ZSWIM5: variants seen among roughly 807,000 people sequenced by gnomAD.
The protein encoded by ZSWIM5 is zinc finger SWIM-type containing 5.
ZSWIM5 carries 55 observed loss-of-function variants against 119.6 expected under a neutral mutation model. The ratio of observed to expected loss-of-function variants is 0.46; its 90% CI spans 0.37 to 0.58. The LOEUF is 0.58. Among genes scored for constraint, ZSWIM5 ranks in the 20% least tolerant of loss-of-function variants. ZSWIM5 has a pLI of 0.00. For synonymous variants in ZSWIM5, 537 were observed against 606.9 expected (o/e 0.88, Z 1.69); for missense variants, 1,193 against 1,512.8 (o/e 0.79, Z 3.51).
At position 45,088,428 on chromosome 1, in the gene ZSWIM5, A is replaced by T. The variant is rs56726013; in HGVS notation, c.596-191T>A. On this transcript the variant is annotated intron_variant, in intron 1 of 13. Coordinates refer to ENST00000359600, the MANE Select transcript of ZSWIM5 (RefSeq NM_020883.2). The surrounding 1 kb of genome is among the most constrained non-coding windows in gnomAD (Gnocchi z 4.2). ...TGCTCTGAAGAAACACACAATATAG[A>T]AAGAGTCCTCACCCTGGAGTTCGTG... is the stretch of plus-strand genomic sequence containing the variant. 9.7e-3 allele frequency among the ~76,000 whole-genome samples: 1,481 copies of T among 152,308 alleles called. 24 individuals carry two copies. Among genetic ancestry groups the T allele is most frequent in the African/African-American group, 0.034 (1,409 of 41,546 alleles).
intron 1 of ZSWIM5, among the ~76,000 whole-genome samples, chr1:45,116,500 G>C (rs1645558976): frequency 6.6e-6 from 1 of 152,130 alleles, no homozygotes; most frequent in Non-Finnish European, 1.5e-5. Flanking sequence ...TGGAAGTATA[G>C]ATAGCAGACT....
chr1:45,188,082 T>C (rs1646069923), intron 1 of ZSWIM5, among the ~76,000 whole-genome samples: 1 of 152,192 alleles, frequency 6.6e-6, no homozygotes, highest in African/African-American at 2.4e-5. Context: ...GATCCAACAA[T>C]TCTACTCTTA....
intron 2 of ZSWIM5, among the ~76,000 whole-genome samples, chr1:45,062,029 G>T (rs1245509690): frequency 1.3e-5 from 2 of 152,102 alleles, no homozygotes; most frequent in Non-Finnish European, 2.9e-5. Context: ...GGTGAACATT[G>T]CAGTGAGCCG....
chr1:45,101,889 G>A (rs981242696), intron 1 of ZSWIM5, among the ~76,000 whole-genome samples: 6 of 152,134 alleles, frequency 3.9e-5, no homozygotes, highest in South Asian at 2.1e-4. Flanking sequence ...AGGGCCTGTC[G>A]TGGGGTGGAG....
intron 1 of ZSWIM5, among the ~76,000 whole-genome samples, chr1:45,141,844 G>A (rs954006664): frequency 5.9e-5 from 9 of 152,056 alleles, no homozygotes; most frequent in South Asian, 4.2e-4. Flanking sequence ...GTAATCCCAC[G>A]GTGGCTGGGA....
chr1:45,195,340 A>C (rs1646115542), intron 1 of ZSWIM5, among the ~76,000 whole-genome samples: 1 of 151,962 alleles, frequency 6.6e-6, no homozygotes, highest in African/African-American at 2.4e-5. Flanking sequence ...AGGCTCAAGC[A>C]TTCCTCCCAC....
intron 12 of ZSWIM5, among the ~76,000 whole-genome samples, 188 bp downstream of exon 12, chr1:45,020,437 C>T (rs1208795812): frequency 6.6e-6 from 1 of 152,214 alleles, no homozygotes; most frequent in Non-Finnish European, 1.5e-5. Context: ...TATCTTGCTT[C>T]TGGCCTTAAC....
rs1012361286 is a variant in ZSWIM5 at position 45,109,738 on chromosome 1, T to C, written c.596-21501A>G. Among the ~76,000 whole-genome samples, 13 of 69,484 alleles carry C rather than the reference T, an allele frequency of 1.9e-4. No homozygotes were observed. The Admixed American group carries it at 2.1e-3, about 11-fold the overall frequency. The allele number at this position is 69,484 out of a possible 152,430, so 45.6% of individuals were successfully genotyped here. A position where few individuals can be genotyped will look rare whatever the true frequency, so the allele number is the denominator to read the frequency against. ...CCATCCTGGGCGACAGAGCTAGACT[T>C]CGTATGAAAAAAAAAAAAAGAATGT... On this transcript the variant is annotated intron_variant, in intron 1 of 13. Transcript: ENST00000359600.
intron 5 of ZSWIM5, among the ~76,000 whole-genome samples, chr1:45,049,580 A>G (rs182065994): frequency 2.6e-5 from 4 of 152,180 alleles, no homozygotes; most frequent in Admixed American, 2.6e-4. Context: ...GCACTTTGGG[A>G]GGCCAAGACG....
intron 1 of ZSWIM5, among the ~76,000 whole-genome samples, chr1:45,161,600 T>A (rs1645864132): frequency 6.6e-6 from 1 of 152,058 alleles, no homozygotes; most frequent in African/African-American, 2.4e-5. Context: ...CCCCCCACAT[T>A]TTTTTTGGCT....
At chr1:45,103,985 A>C (rs913021526) in intron 1 of ZSWIM5, among the ~76,000 whole-genome samples, 1 of 152,230 alleles carries the variant, frequency 6.6e-6, no homozygotes, top group African/African-American at 2.4e-5. Flanking sequence ...GATGTGGTTT[A>C]TGAAAAGAAT....
chr1:45,137,910 G>T (rs994156254), intron 1 of ZSWIM5, among the ~76,000 whole-genome samples: 2 of 152,124 alleles, frequency 1.3e-5, no homozygotes, highest in Non-Finnish European at 2.9e-5. Context: ...CTGAGGCAAG[G>T]GTAGGAACAA....
intron 1 of ZSWIM5, among the ~76,000 whole-genome samples, chr1:45,139,424 CCCTCTCTCCTTCCCT>C (rs1300478117): frequency 6.9e-6 from 1 of 144,096 alleles, no homozygotes; most frequent in African/African-American, 2.6e-5. Flanking sequence ...CTGCCCCTCT[CCCTCTCTCCTTCCCT>C]CCTCTCTCCC....
chr1:45,017,143 C>A lies in ZSWIM5; in HGVS notation c.*1311G>T, dbSNP rs1644858967. 1 of 152,164 alleles carries A rather than the reference C, an allele frequency of 6.6e-6. No homozygotes were observed. Among genetic ancestry groups the A allele is most frequent in the Non-Finnish European group, 1.5e-5 (1 of 68,044 alleles). 9.4% of individuals were successfully genotyped at this position (152,164 alleles called of 1,614,324 possible). A position where few individuals can be genotyped will look rare whatever the true frequency, so the allele number is the denominator to read the frequency against. On this transcript the variant is annotated 3_prime_UTR_variant, in exon 14 of 14. Transcript: ENST00000359600. Reference sequence around the variant, plus strand: ...ATAGAGGAGGCACAGAGATGGGGAACAAACGTTTAGCTGGCGAGAGAGATT... The same window carrying A: ...ATAGAGGAGGCACAGAGATGGGGAAAAAACGTTTAGCTGGCGAGAGAGATT...
chr1:45,149,537 G>A (rs1645783145), intron 1 of ZSWIM5, among the ~76,000 whole-genome samples: 1 of 152,170 alleles, frequency 6.6e-6, no homozygotes, highest in Non-Finnish European at 1.5e-5. Flanking sequence ...TCAAGGGACT[G>A]ATTTATAGCT....
intron 1 of ZSWIM5, among the ~76,000 whole-genome samples, chr1:45,157,588 T>C (rs1645834427): frequency 6.6e-6 from 1 of 152,226 alleles, no homozygotes; most frequent in Non-Finnish European, 1.5e-5. Context: ...CATTCTCCTA[T>C]CCGTGTACAA....
chr1:45,088,051 T>C lies in ZSWIM5; in HGVS notation c.782A>G (p.Gln261Arg). Residue 261 changes from glutamine to arginine, a missense_variant, in exon 2 of 14, where the codon CAA becomes CGA. Gln to Arg is a conservative substitution (Grantham distance 43). Around this residue, in one of 2 missense-constraint regions of ZSWIM5, gnomAD observed 961 missense variants for 1,290.0 expected, o/e 0.74. Transcript: ENST00000359600. This position sits in a 1 kb window ranked among gnomAD's most constrained non-coding sequence, Gnocchi z 4.2. ...LSLYRIRKPD[Q>R]VKLRLPISET... ...GGAGATAGGAAGACGCAATTTGACT[T>C]GGTCTGGTTTACGGATCCTGTAGAG... The C allele has an allele frequency of 6.2e-7, 1 of 1,614,172 alleles. No homozygotes were observed. The highest frequency in any genetic ancestry group is 8.5e-7 in the Non-Finnish European group (1 of 1,180,022).
chr1:45,115,184 C>A (rs1032898636), intron 1 of ZSWIM5, among the ~76,000 whole-genome samples: 1 of 152,174 alleles, frequency 6.6e-6, no homozygotes, highest in East Asian at 1.9e-4. Context: ...GGGTGGCCGC[C>A]GGGCAGAGGG....
At chr1:45,144,927 G>C (rs1296726489) in intron 1 of ZSWIM5, among the ~76,000 whole-genome samples, 3 of 151,896 alleles carry the variant, frequency 2.0e-5, no homozygotes, top group African/African-American at 7.3e-5. Flanking sequence ...ATCCAATAAA[G>C]GACTTGCATC....
Sources: allele counts gnomAD v4.1 joint callset (sites outside exome capture counted in the v4.1 genomes callset), GRCh38; gene constraint gnomAD v4.1.1; regional missense constraint gnomAD v4.1.1; non-coding constraint Gnocchi (gnomAD v3.1); transcripts MANE v1.5; gene names NCBI Gene and HGNC (gene_info 2026-07-23, HGNC 2026-07-21).